Variants in RBMS3 observed in about 807,000 individuals in gnomAD.
RBMS3 encodes the protein RNA binding motif single stranded interacting protein 3.
Under a neutral mutation model 66.8 loss-of-function variants are expected in RBMS3, and 27 were observed. That is an observed-to-expected ratio of 0.40 (90% CI 0.30 to 0.56). RBMS3 has a LOEUF of 0.56. Ranked by LOEUF, RBMS3 falls within the 20% of genes least tolerant of loss-of-function variation. The pLI is 0.40. For synonymous variants in RBMS3, 188 were observed against 183.0 expected (o/e 1.03, Z -0.22); for missense variants, 513 against 549.5 (o/e 0.93, Z 0.66).
chr3:29,694,040 C>A (rs1489311448), intron 4 of RBMS3, among the ~76,000 whole-genome samples: 1 of 152,140 alleles, frequency 6.6e-6, no homozygotes, highest in African/African-American at 2.4e-5. Context: ...GACAGGAACA[C>A]TTACGCAGTG....
At chr3:29,960,989 C>T (rs1275005356) in intron 12 of RBMS3, among the ~76,000 whole-genome samples, 1 of 152,138 alleles carries the variant, frequency 6.6e-6, no homozygotes, top group Non-Finnish European at 1.5e-5. Flanking sequence ...ACAGTTGGCT[C>T]CTCATTACTT....
At chr3:29,460,590 C>A (rs1000711056) in intron 2 of RBMS3, among the ~76,000 whole-genome samples, 1 of 152,068 alleles carries the variant, frequency 6.6e-6, no homozygotes, top group African/African-American at 2.4e-5. Context: ...CACTAAGTGA[C>A]AACATGAAGA....
At chr3:29,290,801 A>G (rs1324087198) in intron 1 of RBMS3, 1 of 151,880 alleles carries the variant, frequency 6.6e-6, no homozygotes, top group Non-Finnish European at 1.5e-5. Flanking sequence ...AAGAACATGC[A>G]GGAATTTCTC....
At chr3:29,537,885 T>C (rs1320935899) in intron 3 of RBMS3, among the ~76,000 whole-genome samples, 6 of 152,214 alleles carry the variant, frequency 3.9e-5, no homozygotes, top group African/African-American at 1.4e-4. Flanking sequence ...CTTTGAATCT[T>C]TTCCATTTCA....
intron 10 of RBMS3, chr3:29,924,962 T>C (rs971598480): frequency 6.6e-6 from 1 of 152,074 alleles, no homozygotes; most frequent in Admixed American, 6.5e-5. Flanking sequence ...ACGATCAAGA[T>C]GACTTAGGAG....
At chr3:29,931,511 G>A (rs145737216) in intron 10 of RBMS3, among the ~76,000 whole-genome samples, 62 of 152,258 alleles carry the variant, frequency 4.1e-4, no homozygotes, top group African/African-American at 1.3e-3. Flanking sequence ...GCACTACTAC[G>A]TTGGTTGGAA....
intron 6 of RBMS3, among the ~76,000 whole-genome samples, chr3:29,818,337 A>AT (rs58738536): frequency 3.3e-5 from 5 of 150,880 alleles, no homozygotes; most frequent in Non-Finnish European, 5.9e-5. Context: ...ATACAATTCT[A>AT]TTTTTTTTCA....
chr3:29,533,232 C>T (rs1362130702), intron 3 of RBMS3, among the ~76,000 whole-genome samples: 2 of 152,038 alleles, frequency 1.3e-5, no homozygotes, highest in Non-Finnish European at 2.9e-5. Context: ...AATCCCAGCA[C>T]TTTGGGAGGC....
At chr3:29,976,847 G>T (rs887109159) in intron 12 of RBMS3, among the ~76,000 whole-genome samples, 1 of 145,764 alleles carries the variant, frequency 6.9e-6, no homozygotes, top group East Asian at 1.9e-4. Flanking sequence ...ACCCTCAAAA[G>T]TGTGGAATAC....
intron 4 of RBMS3, among the ~76,000 whole-genome samples, chr3:29,664,024 T>C (rs2050659539): frequency 6.6e-6 from 1 of 152,156 alleles, no homozygotes; most frequent in Non-Finnish European, 1.5e-5. Flanking sequence ...TATCATTGAA[T>C]TGATATATAA....
intron 3 of RBMS3, among the ~76,000 whole-genome samples, chr3:29,503,836 A>G (rs1157595939): frequency 1.3e-5 from 2 of 152,134 alleles, no homozygotes; most frequent in East Asian, 1.9e-4. Flanking sequence ...CCTATGTGGC[A>G]TGGCATCCCT....
intron 13 of RBMS3, among the ~76,000 whole-genome samples, chr3:29,989,558 C>A (rs898472021): frequency 5.9e-5 from 9 of 152,248 alleles, no homozygotes; most frequent in East Asian, 5.8e-4. Context: ...TTGAGGGAAA[C>A]CTTTACGGAC....
chr3:29,907,314 T>C (rs1366119174), intron 10 of RBMS3, among the ~76,000 whole-genome samples: 1 of 152,152 alleles, frequency 6.6e-6, no homozygotes, highest in East Asian at 1.9e-4. Context: ...TCAAAAATAA[T>C]ATAATTTTCC....
chr3:29,969,223 T>C (rs185728583), intron 12 of RBMS3, among the ~76,000 whole-genome samples: 1 of 152,242 alleles, frequency 6.6e-6, no homozygotes, highest in Non-Finnish European at 1.5e-5. Context: ...CCTGGTCTGA[T>C]AACGATTTTG....
chr3:29,592,586 G>A (rs2047780935), intron 4 of RBMS3, among the ~76,000 whole-genome samples: 1 of 152,116 alleles, frequency 6.6e-6, no homozygotes, highest in African/African-American at 2.4e-5. Flanking sequence ...CAACCATTGT[G>A]GCAGACAGTG....
At chr3:29,671,085 G>C (rs1215931580) in intron 4 of RBMS3, among the ~76,000 whole-genome samples, 1 of 152,270 alleles carries the variant, frequency 6.6e-6, no homozygotes, top group Non-Finnish European at 1.5e-5. Flanking sequence ...AACATTTGCT[G>C]TTCTGCAATA....
Position 29,524,415 on chromosome 3 carries a change from A to ATTTTTTTTTTTTTTT in RBMS3, c.307+35931_307+35945dup, listed in dbSNP as rs1222102515. 3.2e-4 allele frequency among the ~76,000 whole-genome samples: 18 copies of ATTTTTTTTTTTTTTT among 57,112 alleles called. 1 individual carries two copies. The highest frequency in any genetic ancestry group is 6.3e-4 in the East Asian group (1 of 1,586). The allele number at this position is 57,112 out of a possible 152,430, so 37.5% of individuals were successfully genotyped here. A position where few individuals can be genotyped will look rare whatever the true frequency, so the allele number is the denominator to read the frequency against. ...GGAAGATATGAGTGACTCCCTTTAC[A>ATTTTTTTTTTTTTTT]TTTTTTTTTTTTTTTTTTTTTTTTT... On this transcript the variant is annotated intron_variant, in intron 3 of 14. Transcript: ENST00000383767.
intron 4 of RBMS3, among the ~76,000 whole-genome samples, chr3:29,651,836 A>G (rs558451320): frequency 1.3e-5 from 2 of 152,196 alleles, no homozygotes; most frequent in Non-Finnish European, 2.9e-5. Flanking sequence ...AGCCATACAT[A>G]CAAGTTGTCA....
Position 29,293,863 on chromosome 3 carries a change from C to T in RBMS3, c.75+12107C>T, listed in dbSNP as rs541050259. Among the ~76,000 whole-genome samples, 5 of 151,402 alleles carry T rather than the reference C, an allele frequency of 3.3e-5. No homozygotes were observed. In the South Asian group the frequency reaches 1.0e-3, roughly 32 times the overall value. On this transcript the variant is annotated intron_variant, in intron 1 of 14. Transcript: ENST00000383767. Reference sequence around the variant, plus strand: ...TTCTGCTTCCTTCTTTTTGTTCTCTCAGCTTTCAGTCTTTTCTTTTTTTTT... The same window carrying T: ...TTCTGCTTCCTTCTTTTTGTTCTCTTAGCTTTCAGTCTTTTCTTTTTTTTT...
Sources: gnomAD v4.1 joint callset for allele counts (sites outside exome capture counted in the v4.1 genomes callset) on GRCh38, gnomAD v4.1.1 for gene constraint, MANE v1.5 for transcripts, NCBI Gene and HGNC (gene_info 2026-07-23, HGNC 2026-07-21) for gene names.